ARGFX: variants seen among roughly 807,000 people sequenced by gnomAD.
The protein encoded by ARGFX is arginine-fifty homeobox.
A neutral mutation model predicts 8.0 loss-of-function variants in ARGFX; 10 were observed. The observed-to-expected ratio is 1.25, with a 90% CI of 0.77 to 2.12. The LOEUF is 2.12. ARGFX is among the 30% of genes most tolerant of loss of function. The probability of loss-of-function intolerance (pLI) is 0.00; values close to 1 mark genes in which losing one functional copy is unlikely to be tolerated. For synonymous variants in ARGFX, 116 were observed against 117.8 expected, an observed-to-expected ratio of 0.98 and a Z score of 0.10; for missense variants, 282 against 324.3, an observed-to-expected ratio of 0.87 and a Z score of 1.00.
intron 3 of ARGFX, among the ~76,000 whole-genome samples, chr3:121,578,338 G>A (rs1040378459): frequency 6.6e-6 from 1 of 151,982 alleles, no homozygotes; most frequent in African/African-American, 2.4e-5. Context: ...TGTTCGTCAG[G>A]CTGATCTCGA....
intron 2 of ARGFX, among the ~76,000 whole-genome samples, chr3:121,574,284 A>G (rs976863481): frequency 6.6e-6 from 1 of 152,182 alleles, no homozygotes; most frequent in African/African-American, 2.4e-5. Flanking sequence ...CAGTTTTTCC[A>G]CGGACTGGTT....
At chr3:121,582,538 G>A (rs1374529895) in intron 3 of ARGFX, among the ~76,000 whole-genome samples, 1 of 152,112 alleles carries the variant, frequency 6.6e-6, no homozygotes, top group Non-Finnish European at 1.5e-5. Flanking sequence ...TACATTTAAA[G>A]TGGGATTAAA....
chr3:121,574,562 T>C (rs1366439603), intron 2 of ARGFX, among the ~76,000 whole-genome samples: 1 of 152,224 alleles, frequency 6.6e-6, no homozygotes, highest in Non-Finnish European at 1.5e-5. Context: ...TTCATGCTCC[T>C]ATGAGAATCT....
At chr3:121,571,103 A>G (rs2048705562) in intron 2 of ARGFX, among the ~76,000 whole-genome samples, 2 of 152,336 alleles carry the variant, frequency 1.3e-5, no homozygotes, top group South Asian at 2.1e-4. Context: ...AAACTGAGAA[A>G]TCTCCTTTTC....
chr3:121,570,117 G>C (rs571780340), intron 1 of ARGFX, among the ~76,000 whole-genome samples: 1 of 152,096 alleles, frequency 6.6e-6, no homozygotes, highest in East Asian at 1.9e-4. Flanking sequence ...CATATGTGTG[G>C]CTTTTCCTTT....
At position 121,588,961 on chromosome 3, in the gene ARGFX, T is replaced by G. The variant is rs2048830683; in HGVS notation, c.*2361T>G. Among the ~76,000 whole-genome samples, 1 of 151,900 alleles carries G rather than the reference T, an allele frequency of 6.6e-6. No homozygotes were observed. Among genetic ancestry groups the G allele is most frequent in the Non-Finnish European group, 1.5e-5 (1 of 68,008 alleles). ...AAACAACACATTCCTAAATAACCAG[T>G]GGTTAAAGAGGTAATCACAGTCTGA... is the stretch of plus-strand genomic sequence containing the variant. On this transcript the variant is annotated 3_prime_UTR_variant, in exon 5 of 5. Transcript: ENST00000334384.
At chr3:121,569,426 C>A (rs1241965505) in intron 1 of ARGFX, among the ~76,000 whole-genome samples, 6 of 142,520 alleles carry the variant, frequency 4.2e-5, no homozygotes, top group African/African-American at 7.9e-5. Context: ...AGTGCAGTGA[C>A]ATGATCTCAG....
At chr3:121,569,629 G>GTGCTGAGA (rs1402859112) in intron 1 of ARGFX, among the ~76,000 whole-genome samples, 1 of 152,140 alleles carries the variant, frequency 6.6e-6, no homozygotes, top group Non-Finnish European at 1.5e-5. Flanking sequence ...GCCTTTCAAA[G>GTGCTGAGA]TGCTGAGATT....
chr3:121,585,182 T>C, intron 4 of ARGFX, 117 bp downstream of exon 4: 1 of 1,163,262 alleles, frequency 8.6e-7, no homozygotes, highest in Non-Finnish European at 1.2e-6. Flanking sequence ...ATTGAGTACC[T>C]ACTGAAACGG....
At chr3:121,571,489 A>G (rs765489290) in intron 2 of ARGFX, among the ~76,000 whole-genome samples, 23 of 151,924 alleles carry the variant, frequency 1.5e-4, no homozygotes, top group Non-Finnish European at 2.9e-4. Context: ...TGAAAACTAT[A>G]AAATGTTGCT....
In ARGFX at chr3:121,589,040, C is replaced by T. The variant is rs140176733; in HGVS notation, c.*2440C>T. Among the ~76,000 whole-genome samples the T allele has an allele frequency of 2.4e-4, 37 of 152,102 alleles. No homozygotes were observed. The East Asian group carries it at 5.6e-3, about 23-fold the overall frequency. ...AAAATAAAAAATTAGCTGGGCATGA[C>T]GGCCAGAGCCCATGGTCCCAGCTAC... On this transcript the variant is annotated 3_prime_UTR_variant, in exon 5 of 5. Coordinates refer to ENST00000334384, the MANE Select transcript of ARGFX (RefSeq NM_001012659.2).
intron 3 of ARGFX, among the ~76,000 whole-genome samples, chr3:121,581,928 G>A (rs1194224177): frequency 6.6e-6 from 1 of 152,016 alleles, no homozygotes; most frequent in African/African-American, 2.4e-5. Context: ...CAGCTCCTCA[G>A]TGGAACTAGC....
In ARGFX at chr3:121,586,141, CAG is replaced by C. The variant is rs747521591; in HGVS notation, c.490_491del (p.Pro165LeufsTer32). 8 of 1,614,028 alleles carry C rather than the reference CAG, an allele frequency of 5.0e-6. No individual in the cohort carries two copies. In the African/African-American group the frequency reaches 1.1e-4, roughly 22 times the overall value. On this transcript the variant is annotated frameshift_variant, in exon 5 of 5. Coordinates refer to ENST00000334384, the MANE Select transcript of ARGFX (RefSeq NM_001012659.2). LOFTEE classifies it low-confidence loss of function (END_TRUNC). The stretch of plus-strand genomic sequence containing the variant: ...TGCCCACCTCCCCCAGAACATCCCC[CAG>C]TCCTTATGCTTTTTCTCCTGTGATT... ...NVPTSPRTSP[S>X]PYAFSPVISD...
chr3:121,576,750 T>C (rs2048740277), intron 2 of ARGFX, 34 bp from the exon 3 acceptor site: 1 of 382,606 alleles, frequency 2.6e-6, no homozygotes, highest in African/African-American at 2.3e-5. Context: ...TTTCTTTTTC[T>C]CTTTCTTTCT....
At position 121,588,897 on chromosome 3, in the gene ARGFX, A is replaced by G. The variant is rs1208354018; in HGVS notation, c.*2297A>G. 2.0e-5 allele frequency among the ~76,000 whole-genome samples: 3 copies of G among 152,226 alleles called. No homozygotes were observed. The highest frequency in any genetic ancestry group is 4.1e-4 in the South Asian group (2 of 4,832). On this transcript the variant is annotated 3_prime_UTR_variant, in exon 5 of 5. Transcript: ENST00000334384. The stretch of plus-strand genomic sequence containing the variant: ...CAAACATGATGGAACGAAATTAGAA[A>G]TCAATAAAATTTGGGAAATTCACAA...
At chr3:121,575,295 G>A (rs975575235) in intron 2 of ARGFX, among the ~76,000 whole-genome samples, 2 of 151,492 alleles carry the variant, frequency 1.3e-5, no homozygotes, top group African/African-American at 4.9e-5. Context: ...ACTCCAGCCT[G>A]GCGACAGAGC....
At chr3:121,577,276 T>G (rs1241916051) in intron 3 of ARGFX, among the ~76,000 whole-genome samples, 9 of 127,772 alleles carry the variant, frequency 7.0e-5, no homozygotes, top group African/African-American at 1.9e-4. Flanking sequence ...TTTTTTTAAA[T>G]GGAGTCTCAC....
chr3:121,577,317 G>T lies in ARGFX; in HGVS notation c.220+417G>T, dbSNP rs1253130973. On this transcript the variant is annotated intron_variant, in intron 3 of 4. Transcript: ENST00000334384. ...CTCCCAGGCTGGAGTGCAGTGGCGT[G>T]GTCTTGGCTCACTGCAACCTCCACC... is the stretch of plus-strand genomic sequence containing the variant. 2.8e-5 allele frequency among the ~76,000 whole-genome samples: 4 copies of T among 141,010 alleles called. No individual in the cohort carries two copies. In the Admixed American group the frequency reaches 2.9e-4, roughly 10 times the overall value. 92.5% of individuals were successfully genotyped at this position (141,010 alleles called of 152,430 possible).
chr3:121,572,491 G>A lies in ARGFX; in HGVS notation c.103+1675G>A, dbSNP rs542156239. 6.7e-5 allele frequency among the ~76,000 whole-genome samples: 10 copies of A among 148,208 alleles called. No homozygotes were observed. The South Asian group carries it at 1.3e-3, about 19-fold the overall frequency. ...GAACTCCTGACCTTGGGTGATCCAC[G>A]CGCCTCGGCCTTCCAAAGTGCTGGG... On this transcript the variant is annotated intron_variant, in intron 2 of 4. Transcript: ENST00000334384.
Sources: gnomAD v4.1 joint callset for allele counts (sites outside exome capture counted in the v4.1 genomes callset) on GRCh38, gnomAD v4.1.1 for gene constraint, MANE v1.5 for transcripts, NCBI Gene and HGNC (gene_info 2026-07-23, HGNC 2026-07-21) for gene names.